The following BSN variants were observed in gnomAD, a reference collection of about 807,000 sequenced individuals.
BSN encodes bassoon presynaptic cytomatrix protein.
A neutral mutation model predicts 264.8 loss-of-function variants in BSN; 57 were observed. That is an observed-to-expected ratio of 0.22 (90% CI 0.17 to 0.27). The LOEUF (loss-of-function observed/expected upper bound fraction) is 0.27. Among genes scored for constraint, BSN ranks in the 10% least tolerant of loss-of-function variants. The probability of loss-of-function intolerance (pLI) is 1.00; values close to 1 mark genes in which losing one functional copy is unlikely to be tolerated. For missense variants in BSN, 4,615 were observed against 5,232.5 expected (o/e 0.88, Z 3.64); for synonymous variants, 2,059 against 2,137.3 (o/e 0.96, Z 1.01).
chr3:49,661,597 G>C lies in BSN; in HGVS notation c.9752G>C (p.Ser3251Thr), dbSNP rs749577265. Reference sequence around the variant, plus strand: ...GACAGCACCTCTACTGCTCCTGATAGCCAACGGCTGGAGCCCCTGGGGCCA... The same window carrying C: ...GACAGCACCTCTACTGCTCCTGATACCCAACGGCTGGAGCCCCTGGGGCCA... Reference protein sequence around the residue: ...TKDSTSTAPDSQRLEPLGPGS... With the variant: ...TKDSTSTAPDTQRLEPLGPGS... The change falls in exon 6 of 12, where the codon AGC becomes ACC. Residue 3251 changes from serine to threonine, a missense_variant. Ser to Thr is a moderately conservative substitution (Grantham distance 58, BLOSUM62 1). This residue lies in a region of BSN where 3,415 missense variants were observed against 3,866.4 expected (regional missense o/e 0.88). Transcript: ENST00000296452. 1.2e-6 allele frequency: 2 copies of C among 1,613,744 alleles called. No individual in the cohort carries two copies. Among genetic ancestry groups the C allele is most frequent in the Admixed American group, 3.3e-5 (2 of 60,032 alleles).
At position 49,554,488 on chromosome 3, in the gene BSN, C is replaced by A; in HGVS notation, c.-115C>A. The A allele has an allele frequency of 4.1e-6, 1 of 245,960 alleles. No homozygotes were observed. Among genetic ancestry groups the A allele is most frequent in the Non-Finnish European group, 6.5e-6 (1 of 154,102 alleles). 15.2% of individuals were successfully genotyped at this position (245,960 alleles called of 1,614,324 possible). A position where few individuals can be genotyped will look rare whatever the true frequency, so the allele number is the denominator to read the frequency against. On this transcript the variant is annotated 5_prime_UTR_variant, in exon 1 of 12. Transcript: ENST00000296452. ...GCATGCGCAGCGGCAGGCGGCGGCG[C>A]GAGCCGAGCTGGGAGATGGCGGCGG...
intron 1 of BSN, among the ~76,000 whole-genome samples, chr3:49,564,660 G>A (rs1345661251): frequency 1.3e-5 from 2 of 152,154 alleles, no homozygotes; most frequent in Non-Finnish European, 2.9e-5. Context: ...CTGAGTAGTG[G>A]GAGTAGCTGC....
In BSN at chr3:49,660,515, C is replaced by T. The variant is rs1185928643; in HGVS notation, c.8670C>T (p.Val2890=). 6.5e-7 allele frequency: 1 copy of T among 1,543,066 alleles called. No homozygotes were observed. The highest frequency in any genetic ancestry group is 2.0e-5 in the Admixed American group (1 of 50,712). The change falls in exon 6 of 12, where the codon GTC becomes GTT. Residue 2890 remains valine (V), a synonymous_variant. Coordinates refer to ENST00000296452, the MANE Select transcript of BSN (RefSeq NM_003458.4). The surrounding 1 kb of genome is among the most constrained non-coding windows in gnomAD (Gnocchi z 7.1). ...QVSALPPNSL[V]RKVKRTLPSP... ...CGGCGTTGCCACCCAACAGCCTGGT[C>T]CGCAAGGTGAAGCGGACACTGCCCA...
At chr3:49,558,462 G>T (rs970792318) in intron 1 of BSN, among the ~76,000 whole-genome samples, 1 of 152,226 alleles carries the variant, frequency 6.6e-6, no homozygotes, top group Admixed American at 6.5e-5. Context: ...TTTACTGGAA[G>T]GTGGGCAAGG....
Position 49,660,911 on chromosome 3 carries a change from C to T in BSN, c.9066C>T (p.Leu3022=), listed in dbSNP as rs140664989. Residue 3022 remains leucine (L), a synonymous_variant, in exon 6 of 12, where the codon CTC becomes CTT. Coordinates refer to ENST00000296452, the MANE Select transcript of BSN (RefSeq NM_003458.4). This position sits in a 1 kb window ranked among gnomAD's most constrained non-coding sequence, Gnocchi z 7.1. ...LSDSELNQLR[L]QGCTTPAGQF... ...ACAGTGAGCTCAACCAGCTGCGGCT[C>T]CAGGGCTGCACCACTCCCGCTGGCC... 6.2e-7 allele frequency: 1 copy of T among 1,612,664 alleles called. No individual in the cohort carries two copies. Among genetic ancestry groups the T allele is most frequent in the Non-Finnish European group, 8.5e-7 (1 of 1,179,998 alleles).
chr3:49,659,972 G>A (rs1443183705), intron 5 of BSN, among the ~76,000 whole-genome samples: 2 of 152,240 alleles, frequency 1.3e-5, no homozygotes, highest in South Asian at 2.1e-4. Context: ...AGCCTGCCAC[G>A]ATTGGCATAC....
Position 49,668,521 on chromosome 3 carries a change from C to T in BSN, c.*1036C>T, listed in dbSNP as rs2052729350. 1 of 152,668 alleles carries T rather than the reference C, an allele frequency of 6.6e-6. No homozygotes were observed. The highest frequency in any genetic ancestry group is 2.4e-5 in the African/African-American group (1 of 41,424). 9.5% of individuals were successfully genotyped at this position (152,668 alleles called of 1,614,324 possible). A position where few individuals can be genotyped will look rare whatever the true frequency, so the allele number is the denominator to read the frequency against. Reference sequence around the variant, plus strand: ...TCCTCTCTGCTCTGCCCCTGCTCAGCACAGGGAGAATGTTGACTTAGAAGC... The same window carrying T: ...TCCTCTCTGCTCTGCCCCTGCTCAGTACAGGGAGAATGTTGACTTAGAAGC... On this transcript the variant is annotated 3_prime_UTR_variant, in exon 12 of 12. Transcript: ENST00000296452.
chr3:49,644,842 C>T (rs949550646), intron 3 of BSN, among the ~76,000 whole-genome samples: 8 of 152,190 alleles, frequency 5.3e-5, no homozygotes, highest in African/African-American at 1.7e-4. Context: ...TGTCTCTGTC[C>T]AGGAGCATAA....
intron 1 of BSN, among the ~76,000 whole-genome samples, chr3:49,558,705 G>A (rs2051692028): frequency 6.6e-6 from 1 of 152,162 alleles, no homozygotes; most frequent in Non-Finnish European, 1.5e-5. Context: ...ATCTCACAGA[G>A]GGTATGTCAT....
chr3:49,615,790 C>G (rs2052255538), intron 1 of BSN, among the ~76,000 whole-genome samples: 1 of 152,222 alleles, frequency 6.6e-6, no homozygotes, highest in Non-Finnish European at 1.5e-5. Flanking sequence ...CTCCCTGTCA[C>G]TGACCTAAGT....
At chr3:49,592,472 G>A (rs2051986025) in intron 1 of BSN, among the ~76,000 whole-genome samples, 2 of 151,036 alleles carry the variant, frequency 1.3e-5, no homozygotes, top group African/African-American at 4.9e-5. Context: ...ATACAGAGAG[G>A]GCCGGACGCG....
chr3:49,639,574 G>A (rs1030012862), intron 2 of BSN, among the ~76,000 whole-genome samples: 4 of 152,124 alleles, frequency 2.6e-5, no homozygotes, highest in African/African-American at 9.7e-5. Flanking sequence ...TCACTGCCTC[G>A]GCATCACTGT....
At chr3:49,591,858 G>A (rs1191413032) in intron 1 of BSN, among the ~76,000 whole-genome samples, 2 of 152,064 alleles carry the variant, frequency 1.3e-5, no homozygotes, top group Admixed American at 6.6e-5. Flanking sequence ...CAAAGGGTAC[G>A]ATTACAGGCA....
chr3:49,627,217 A>G (rs938179989), intron 2 of BSN, among the ~76,000 whole-genome samples: 4 of 152,222 alleles, frequency 2.6e-5, no homozygotes, highest in African/African-American at 9.6e-5. Flanking sequence ...GAGTTCCAGG[A>G]CAGGGCTATG....
chr3:49,634,830 A>G (rs942944706), intron 2 of BSN, among the ~76,000 whole-genome samples: 5 of 152,240 alleles, frequency 3.3e-5, no homozygotes, highest in African/African-American at 1.2e-4. Context: ...CACACACTAT[A>G]TATGTGTGTG....
At chr3:49,603,949 G>C (rs1205344867) in intron 1 of BSN, among the ~76,000 whole-genome samples, 2 of 152,022 alleles carry the variant, frequency 1.3e-5, no homozygotes, top group East Asian at 3.8e-4. Flanking sequence ...GTATCCTTTT[G>C]TGCCTGGCTT....
chr3:49,654,009 C>G lies in BSN; in HGVS notation c.4453C>G (p.Pro1485Ala). 1 of 1,613,894 alleles carries G rather than the reference C, an allele frequency of 6.2e-7. No individual in the cohort carries two copies. The highest frequency in any genetic ancestry group is 8.5e-7 in the Non-Finnish European group (1 of 1,179,978). The change falls in exon 5 of 12, where the codon CCC becomes GCC. Residue 1485 changes from proline (P) to alanine (A), a missense_variant. Physicochemically the swap from Pro to Ala is conservative, Grantham distance 27 (BLOSUM62 -1). Transcript: ENST00000296452. This position sits in a 1 kb window ranked among gnomAD's most constrained non-coding sequence, Gnocchi z 4.1. ...SSSPPLSPSS[P>A]SESPTFSPGK... is the part of the protein sequence containing the mutation. ...CAGCCCACCTCTCTCCCCGTCTTCC[C>G]CCTCAGAGAGTCCCACATTCTCCCC...
intron 2 of BSN, among the ~76,000 whole-genome samples, chr3:49,630,385 G>A (rs772870985): frequency 6.6e-6 from 1 of 152,222 alleles, no homozygotes; most frequent in African/African-American, 2.4e-5. Flanking sequence ...TAGTCCTTGG[G>A]CAGTTTGCTT....
chr3:49,625,401 G>A lies in BSN; in HGVS notation c.633+18G>A, dbSNP rs1429877381. ...TCACCCAGGTAACCACTTCTGCGCCGGCTCCCCACTCACCTGCTACCTCAT... is the reference window on the plus strand; with the variant it reads ...TCACCCAGGTAACCACTTCTGCGCCAGCTCCCCACTCACCTGCTACCTCAT... On this transcript the variant is annotated intron_variant, in intron 2 of 11. Coordinates refer to ENST00000296452, the MANE Select transcript of BSN (RefSeq NM_003458.4). The surrounding 1 kb of genome is among the most constrained non-coding windows in gnomAD (Gnocchi z 4.4). 2.6e-5 allele frequency: 37 copies of A among 1,449,744 alleles called. No homozygotes were observed. The highest frequency in any genetic ancestry group is 3.4e-5 in the Non-Finnish European group (37 of 1,102,402). 89.8% of individuals were successfully genotyped at this position (1,449,744 alleles called of 1,614,324 possible). A position where few individuals can be genotyped will look rare whatever the true frequency, so the allele number is the denominator to read the frequency against.
Sources: allele counts gnomAD v4.1 joint callset (sites outside exome capture counted in the v4.1 genomes callset), GRCh38; gene constraint gnomAD v4.1.1; regional missense constraint gnomAD v4.1.1; non-coding constraint Gnocchi (gnomAD v3.1); transcripts MANE v1.5; gene names NCBI Gene and HGNC (gene_info 2026-07-23, HGNC 2026-07-21).